The following CEP162 variants were observed in gnomAD, a reference collection of about 807,000 sequenced individuals.
CEP162 encodes centrosomal protein of 162 kDa.
A neutral mutation model predicts 169.2 loss-of-function variants in CEP162; 141 were observed. The observed-to-expected ratio is 0.83, with a 90% CI of 0.73 to 0.96. The LOEUF (loss-of-function observed/expected upper bound fraction) is 0.96, where lower values mean the gene tolerates loss of function less well. Ranked by LOEUF, CEP162 falls within the 40% of genes least tolerant of loss-of-function variation. CEP162 has a pLI of 0.00. For synonymous variants in CEP162, 540 were observed against 526.4 expected (o/e 1.03, Z -0.35); for missense variants, 1,600 against 1,587.2 (o/e 1.01, Z -0.14).
chr6:84,195,267 G>A (rs568274639), intron 9 of CEP162, among the ~76,000 whole-genome samples, 192 bp from the exon 10 acceptor site: 1 of 152,230 alleles, frequency 6.6e-6, no homozygotes, highest in South Asian at 2.1e-4. Context: ...ACTGAGGCGT[G>A]TCCTGATGTG....
chr6:84,152,414 ATAATT>A (rs2099521463), intron 23 of CEP162, 126 bp downstream of exon 23: 3 of 508,074 alleles, frequency 5.9e-6, no homozygotes, highest in Non-Finnish European at 9.7e-6. Context: ...GCAATATAAT[ATAATT>A]TATTAATATT....
intron 22 of CEP162, among the ~76,000 whole-genome samples, chr6:84,153,823 C>T (rs1445891637): frequency 1.3e-5 from 2 of 152,256 alleles, no homozygotes; most frequent in South Asian, 2.1e-4. Context: ...AAATAGCTCA[C>T]AGCTTGGTGA....
Position 84,215,458 on chromosome 6 carries a change from T to A in CEP162, c.327A>T (p.Val109=). The change falls in exon 5 of 27, where the codon GTA becomes GTT. Residue 109 remains valine (V), a synonymous_variant. Coordinates refer to ENST00000403245, the MANE Select transcript of CEP162 (RefSeq NM_014895.4). The part of the protein sequence containing the change: ...STDSLETNEL[V]VSELNHSSLG... ...GACTACTATGGTTGAGCTCAGAAAC[T>A]ACTAGTTCTAAATGGAAAGCACAAA... The A allele has an allele frequency of 6.3e-7, 1 of 1,574,962 alleles. No homozygotes were observed. The highest frequency in any genetic ancestry group is 8.6e-7 in the Non-Finnish European group (1 of 1,164,124).
chr6:84,213,001 G>A lies in CEP162; in HGVS notation c.527C>T (p.Thr176Ile), dbSNP rs1328001153. The A allele has an allele frequency of 1.3e-6, 2 of 1,553,462 alleles. No individual in the cohort carries two copies. Among genetic ancestry groups the A allele is most frequent in the African/African-American group, 2.7e-5 (2 of 73,420 alleles). Residue 176 changes from threonine to isoleucine, a missense_variant, in exon 6 of 27, where the codon ACT (threonine) becomes ATT (isoleucine). Thr to Ile is a moderately conservative substitution (Grantham distance 89, BLOSUM62 -1). Transcript: ENST00000403245. ...CGATTCATTCTCATGTTCGTCATCA[G>A]TTAGTTCTGCGTTGGCTTGATTACT... ...LHSNQANAEL[T>I]DDEHENESKH...
rs767812861 is a variant in CEP162, at chr6:84,160,831, A to T, written c.2762T>A (p.Ile921Asn). ...ACATACTTGTCGCTCCAGATCCTGA[A>T]TTTTTTTGGCATCTGCTGCTTTATC... ...LKDKAADAKK[I>N]QDLERQVKEM... is the part of the protein sequence containing the mutation. The change falls in exon 21 of 27, where the codon ATT becomes AAT. Residue 921 changes from isoleucine to asparagine, a missense_variant. By Grantham distance (149) the Ile-to-Asn change is moderately radical. Transcript: ENST00000403245. The T allele has an allele frequency of 2.9e-5, 46 of 1,609,570 alleles. No individual in the cohort carries two copies. The highest frequency in any genetic ancestry group is 3.7e-5 in the Non-Finnish European group (44 of 1,176,332).
chr6:84,178,935 T>A (rs2129225882), intron 13 of CEP162, among the ~76,000 whole-genome samples: 1 of 152,288 alleles, frequency 6.6e-6, no homozygotes, highest in Middle Eastern at 3.4e-3. Context: ...CTTGCGATAG[T>A]TTGCTGAGAA....
At chr6:84,173,761 G>A (rs1047854750) in intron 16 of CEP162, among the ~76,000 whole-genome samples, 25 of 148,424 alleles carry the variant, frequency 1.7e-4, no homozygotes, top group African/African-American at 6.1e-4. Flanking sequence ...TCAGCTCACT[G>A]CAATCTCTGC....
chr6:84,126,301 G>A (rs2099508916), intron 26 of CEP162, 77 bp downstream of exon 26: 1 of 1,063,128 alleles, frequency 9.4e-7, no homozygotes, highest in Non-Finnish European at 1.3e-6. Context: ...TTTTTGCTAG[G>A]GATGACAAAA....
intron 12 of CEP162, among the ~76,000 whole-genome samples, chr6:84,185,723 G>A (rs1426913547): frequency 1.3e-5 from 2 of 152,098 alleles, no homozygotes; most frequent in Non-Finnish European, 2.9e-5. Flanking sequence ...AATGAATGCA[G>A]CAGAAAGAAC....
chr6:84,149,234 G>A (rs1011316649), intron 24 of CEP162, among the ~76,000 whole-genome samples: 2 of 152,002 alleles, frequency 1.3e-5, no homozygotes, highest in African/African-American at 4.8e-5. Context: ...AAGTACTAGG[G>A]TCCTAATCAT....
chr6:84,153,026 C>T lies in CEP162; in HGVS notation c.3148G>A (p.Asp1050Asn), dbSNP rs1230913336. The change falls in exon 23 of 27, where the codon GAC (aspartate) becomes AAC (asparagine). Residue 1050 changes from aspartate to asparagine, a missense_variant. Coordinates refer to ENST00000403245, the MANE Select transcript of CEP162 (RefSeq NM_014895.4). ...ITVRNLEAEI[D>N]VLKHQNAELD... The stretch of plus-strand genomic sequence containing the variant: ...TCAGCATTCTGATGTTTAAGAACGT[C>T]TATTTCGGCTTCAAGGTTTCTTACA... 3.7e-6 allele frequency: 6 copies of T among 1,613,558 alleles called. No individual in the cohort carries two copies. The highest frequency in any genetic ancestry group is 5.1e-6 in the Non-Finnish European group (6 of 1,179,734).
At chr6:84,190,800 C>A (rs2099539576) in intron 11 of CEP162, among the ~76,000 whole-genome samples, 1 of 152,220 alleles carries the variant, frequency 6.6e-6, no homozygotes, top group Non-Finnish European at 1.5e-5. Flanking sequence ...CAAGAACCCA[C>A]CAATTCCAGA....
At chr6:84,179,614 T>C (rs866115918) in intron 13 of CEP162, among the ~76,000 whole-genome samples, 1 of 152,280 alleles carries the variant, frequency 6.6e-6, no homozygotes, top group African/African-American at 2.4e-5. Context: ...ATTGTGTAGG[T>C]TGCCTGTTCA....
chr6:84,191,696 C>T (rs910846798), intron 11 of CEP162, among the ~76,000 whole-genome samples: 1 of 152,138 alleles, frequency 6.6e-6, no homozygotes, highest in Non-Finnish European at 1.5e-5. Flanking sequence ...ATGCATATAG[C>T]CCTGAATGGG....
chr6:84,222,294 C>T (rs1198140723), intron 2 of CEP162, among the ~76,000 whole-genome samples: 1 of 152,172 alleles, frequency 6.6e-6, no homozygotes, highest in African/African-American at 2.4e-5. Flanking sequence ...CTCTTAAACT[C>T]TTACTTCTTG....
In CEP162 at chr6:84,194,476, CAG is replaced by C. The variant is rs1257078339; in HGVS notation, c.1027+406_1027+407del. 5.1e-5 allele frequency among the ~76,000 whole-genome samples: 7 copies of C among 136,088 alleles called. No individual in the cohort carries two copies. In the South Asian group the frequency reaches 1.7e-3, roughly 33 times the overall value. The allele number at this position is 136,088 out of a possible 152,430, so 89.3% of individuals were successfully genotyped here. On this transcript the variant is annotated intron_variant, in intron 10 of 26. Transcript: ENST00000403245. ...AAATCTTTTTTTTTTTTTTTTAAGGCAGAGTCTCACTCTGTTGCCAGGCTGGA... is the reference window on the plus strand; with the variant it reads ...AAATCTTTTTTTTTTTTTTTTAAGGCAGTCTCACTCTGTTGCCAGGCTGGA...
At position 84,214,900 on chromosome 6, in the gene CEP162, T is replaced by C. The variant is rs186731553; in HGVS notation, c.503+382A>G. On this transcript the variant is annotated intron_variant, in intron 5 of 26. Coordinates refer to ENST00000403245, the MANE Select transcript of CEP162 (RefSeq NM_014895.4). ...ACAGAGGTTAAGACACAGATCAAAC[T>C]TGTCTTTGCTCCTTGGTTCCCACTT... Among the ~76,000 whole-genome samples, 525 of 152,312 alleles carry C rather than the reference T, an allele frequency of 3.4e-3. 3 individuals carry two copies. The highest frequency in any genetic ancestry group is 0.012 in the African/African-American group (483 of 41,576).
intron 3 of CEP162, among the ~76,000 whole-genome samples, chr6:84,219,871 T>TA (rs1427421641): frequency 6.6e-6 from 1 of 152,238 alleles, no homozygotes; most frequent in African/African-American, 2.4e-5. Context: ...GTGTAAGTGT[T>TA]ACTATGGTGT....
intron 7 of CEP162, among the ~76,000 whole-genome samples, chr6:84,202,819 T>A (rs143777124): frequency 5.3e-5 from 8 of 152,272 alleles, no homozygotes; most frequent in African/African-American, 1.9e-4. Flanking sequence ...TTTCTAAGGA[T>A]ATTCATCAAT....
Sources: gnomAD v4.1 joint callset for allele counts (sites outside exome capture counted in the v4.1 genomes callset) on GRCh38, gnomAD v4.1.1 for gene constraint, MANE v1.5 for transcripts, NCBI Gene and HGNC (gene_info 2026-07-23, HGNC 2026-07-21) for gene names.